Variants in TMEM207 observed in about 807,000 individuals in gnomAD.
TMEM207 encodes transmembrane protein 207.
In TMEM207, 15 loss-of-function variants were observed where a neutral mutation model predicts 17.4. That is an observed-to-expected ratio of 0.86 (90% CI 0.58 to 1.33). The LOEUF (loss-of-function observed/expected upper bound fraction) is 1.33, where lower values mean the gene tolerates loss of function less well. Ranked by LOEUF, TMEM207 falls within the 40% of genes most tolerant of loss-of-function variation. The pLI is 0.00. For synonymous variants in TMEM207, 70 were observed against 65.6 expected (o/e 1.07, Z -0.33); for missense variants, 205 against 173.8 (o/e 1.18, Z -1.01).
At chr3:190,449,559 G>T (rs552436474) in intron 1 of TMEM207, among the ~76,000 whole-genome samples, 176 bp downstream of exon 1, 1 of 152,288 alleles carries the variant, frequency 6.6e-6, no homozygotes, top group East Asian at 1.9e-4. Flanking sequence ...TGGACATTTT[G>T]TTTTGTCCCT....
chr3:190,447,998 C>G (rs189389267), intron 1 of TMEM207, among the ~76,000 whole-genome samples, 171 bp from the exon 2 acceptor site: 362 of 152,198 alleles, frequency 2.4e-3, no homozygotes, highest in African/African-American at 8.4e-3. Flanking sequence ...GAAAAAATCT[C>G]TGGGTGGATT....
chr3:190,443,274 C>G (rs1012214672), intron 2 of TMEM207, among the ~76,000 whole-genome samples: 1 of 151,286 alleles, frequency 6.6e-6, no homozygotes, highest in African/African-American at 2.4e-5. Flanking sequence ...TTGAAAATAG[C>G]CCCTTTACTT....
chr3:190,439,894 G>A (rs1560107498), intron 4 of TMEM207, among the ~76,000 whole-genome samples: 2 of 152,298 alleles, frequency 1.3e-5, no homozygotes, highest in East Asian at 1.9e-4. Context: ...AGTTAAGACA[G>A]GTTGATAATA....
rs1343858750 is a variant in TMEM207 at position 190,441,438 on chromosome 3, C to T, written c.158G>A (p.Trp53Ter). ...NDQHPNGWYI[W>*]ILLLLVLVAA... Reference sequence around the variant, plus strand: ...TAAAACAAATGGAAGATATCCTTACCAGATATACCAGCCATTAGGGTGTTG... The same window carrying T: ...TAAAACAAATGGAAGATATCCTTACTAGATATACCAGCCATTAGGGTGTTG... The change falls in exon 3 of 5, where the codon TGG becomes TAG. Residue 53 changes from tryptophan to a stop codon, truncating the protein, a stop_gained and splice_region_variant. Coordinates refer to ENST00000354905, the MANE Select transcript of TMEM207 (RefSeq NM_207316.3). LOFTEE classifies it high-confidence loss of function. 1.2e-6 allele frequency: 2 copies of T among 1,608,870 alleles called. No individual in the cohort carries two copies. The highest frequency in any genetic ancestry group is 1.1e-5 in the South Asian group (1 of 90,660).
chr3:190,448,685 C>T (rs992772482), intron 1 of TMEM207, among the ~76,000 whole-genome samples: 12 of 152,086 alleles, frequency 7.9e-5, no homozygotes, highest in Admixed American at 2.0e-4. Context: ...GACTATAACA[C>T]GCAAATAAAA....
chr3:190,436,236 T>C (rs1378256320), intron 4 of TMEM207, among the ~76,000 whole-genome samples: 2 of 152,256 alleles, frequency 1.3e-5, no homozygotes. Flanking sequence ...AAGGTTAATA[T>C]ATCAAATCTA....
At chr3:190,445,628 C>T (rs1560109159) in intron 2 of TMEM207, among the ~76,000 whole-genome samples, 3 of 152,232 alleles carry the variant, frequency 2.0e-5, no homozygotes, top group Admixed American at 1.3e-4. Flanking sequence ...CAGGTTCAAG[C>T]GATACTCCTG....
chr3:190,435,189 T>G (rs557348490), intron 4 of TMEM207, among the ~76,000 whole-genome samples: 142 of 152,312 alleles, frequency 9.3e-4, no homozygotes, highest in African/African-American at 3.2e-3. Flanking sequence ...TAAATTCATT[T>G]TCTCACGATT....
chr3:190,447,815 C>A lies in TMEM207; in HGVS notation c.88G>T (p.Asp30Tyr). Residue 30 changes from aspartate to tyrosine, a missense_variant, in exon 2 of 5, where the codon GAC becomes TAC. Transcript: ENST00000354905. ...CLPLFQLVLS[D>Y]LPCEEDEMCV... Reference sequence around the variant, plus strand: ...ATTTCATCTTCTTCGCATGGTAGGTCCGAGAGCACCAACTGAAACACATGT... The same window carrying A: ...ATTTCATCTTCTTCGCATGGTAGGTACGAGAGCACCAACTGAAACACATGT... 6.2e-7 allele frequency: 1 copy of A among 1,612,390 alleles called. No individual in the cohort carries two copies. The highest frequency in any genetic ancestry group is 1.1e-5 in the South Asian group (1 of 90,702).
At chr3:190,436,067 C>T (rs1168851018) in intron 4 of TMEM207, among the ~76,000 whole-genome samples, 2 of 152,212 alleles carry the variant, frequency 1.3e-5, no homozygotes, top group African/African-American at 4.8e-5. Flanking sequence ...CTGAGTTCTG[C>T]TCAGTTGAGG....
rs1359202005 is a variant in TMEM207, at chr3:190,441,425, A to G, written c.158+13T>C. 2 of 1,599,882 alleles carry G rather than the reference A, an allele frequency of 1.3e-6. No individual in the cohort carries two copies. The highest frequency in any genetic ancestry group is 1.7e-5 in the Admixed American group (1 of 59,318). On this transcript the variant is annotated intron_variant, in intron 3 of 4. Transcript: ENST00000354905. Reference sequence around the variant, plus strand: ...ACCAACTGTCATATAAAACAAATGGAAGATATCCTTACCAGATATACCAGC... The same window carrying G: ...ACCAACTGTCATATAAAACAAATGGGAGATATCCTTACCAGATATACCAGC...
At chr3:190,446,623 T>G (rs1443370915) in intron 2 of TMEM207, among the ~76,000 whole-genome samples, 1 of 152,224 alleles carries the variant, frequency 6.6e-6, no homozygotes, top group Non-Finnish European at 1.5e-5. Flanking sequence ...GTTGAAGCCC[T>G]ACTACTCATT....
intron 2 of TMEM207, chr3:190,444,504 T>A (rs1357418393): frequency 1.4e-6 from 1 of 710,242 alleles, no homozygotes; most frequent in South Asian, 6.1e-5. Context: ...TACTGAAAAT[T>A]AAAAAAAAAA....
In TMEM207 at chr3:190,429,542, T is replaced by A; in HGVS notation, c.*53A>T. 6.3e-7 allele frequency: 1 copy of A among 1,599,348 alleles called. No individual in the cohort carries two copies. The highest frequency in any genetic ancestry group is 8.6e-7 in the Non-Finnish European group (1 of 1,168,644). On this transcript the variant is annotated 3_prime_UTR_variant, in exon 5 of 5. Transcript: ENST00000354905. ...GAAATAACTATTCCTAAATTTGATG[T>A]TTTGGAATTACAGATGTCGTTAATA...
intron 2 of TMEM207, among the ~76,000 whole-genome samples, chr3:190,446,742 G>A (rs1266053155): frequency 2.0e-5 from 3 of 152,148 alleles, no homozygotes; most frequent in Admixed American, 6.5e-5. Flanking sequence ...TTTCTGTCAC[G>A]TTGATTAGAG....
chr3:190,429,795 T>C (rs1719651011), intron 4 of TMEM207, 64 bp from the exon 5 acceptor site: 4 of 1,461,640 alleles, frequency 2.7e-6, no homozygotes, highest in Non-Finnish European at 3.6e-6. Flanking sequence ...GTACATGAAC[T>C]GCCCGATAAA....
chr3:190,441,545 C>A (rs1719938760), intron 2 of TMEM207, 63 bp from the exon 3 acceptor site: 10 of 1,365,282 alleles, frequency 7.3e-6, no homozygotes, highest in Non-Finnish European at 1.0e-5. Flanking sequence ...TTTCTTTCAC[C>A]CAATAAAATT....
chr3:190,440,808 C>T (rs1719917305), intron 3 of TMEM207, among the ~76,000 whole-genome samples: 1 of 152,180 alleles, frequency 6.6e-6, no homozygotes, highest in African/African-American at 2.4e-5. Flanking sequence ...GTGGCTCAAG[C>T]CTGTAATCCC....
intron 4 of TMEM207, among the ~76,000 whole-genome samples, chr3:190,436,719 A>T (rs982643720): frequency 6.6e-6 from 1 of 152,236 alleles, no homozygotes; most frequent in Non-Finnish European, 1.5e-5. Flanking sequence ...TAAATCTAGC[A>T]TGGGTCCAGG....
Sources: gnomAD v4.1 joint callset for allele counts (sites outside exome capture counted in the v4.1 genomes callset) on GRCh38, gnomAD v4.1.1 for gene constraint, MANE v1.5 for transcripts, NCBI Gene and HGNC (gene_info 2026-07-23, HGNC 2026-07-21) for gene names.